Variants in NALF1 observed in about 807,000 individuals in gnomAD.
The protein encoded by NALF1 is family with sequence similarity 155 member A.
A neutral mutation model predicts 48.4 loss-of-function variants in NALF1; 3 were observed. That is an observed-to-expected ratio of 0.06 (90% confidence interval 0.03 to 0.16). The LOEUF is 0.16. Ranked by LOEUF, NALF1 falls within the 10% of genes least tolerant of loss-of-function variation. The pLI is 1.00. For synonymous variants in NALF1, 262 were observed against 245.7 expected (o/e 1.07, Z -0.62); for missense variants, 526 against 571.5 (o/e 0.92, Z 0.81).
chr13:107,782,061 GTC>G (rs1877906297), intron 1 of NALF1, among the ~76,000 whole-genome samples: 1 of 151,716 alleles, frequency 6.6e-6, no homozygotes, highest in African/African-American at 2.4e-5. Context: ...TCTCCCCACG[GTC>G]TCCCTCTCCC....
At chr13:107,505,122 G>A (rs1207871688) in intron 1 of NALF1, among the ~76,000 whole-genome samples, 2 of 152,230 alleles carry the variant, frequency 1.3e-5, no homozygotes, top group Non-Finnish European at 2.9e-5. Flanking sequence ...GGATGACTTT[G>A]AGCAGGTAAA....
intron 1 of NALF1, among the ~76,000 whole-genome samples, chr13:107,428,231 T>C (rs1884312748): frequency 6.6e-6 from 1 of 152,108 alleles, no homozygotes; most frequent in Non-Finnish European, 1.5e-5. Flanking sequence ...AACAGCTCTG[T>C]GAGGTCAGGG....
intron 2 of NALF1, among the ~76,000 whole-genome samples, chr13:107,184,122 T>C (rs1010949753): frequency 1.3e-5 from 2 of 151,650 alleles, no homozygotes; most frequent in African/African-American, 4.8e-5. Flanking sequence ...ATGGCACGTA[T>C]ATATCTATGT....
In NALF1 at chr13:107,866,090, C is replaced by A. The variant is rs750421259; in HGVS notation, c.507G>T (p.Glu169Asp). 6.2e-7 allele frequency: 1 copy of A among 1,612,880 alleles called. No individual in the cohort carries two copies. Among genetic ancestry groups the A allele is most frequent in the Non-Finnish European group, 8.5e-7 (1 of 1,179,926 alleles). The part of the protein sequence containing the change: ...GNSAKPVWRL[E>D]TCYPQGASSG... ...AGGACGCGCCCTGGGGGTAACAAGTCTCCAGGCGCCACACGGGCTTGGCAG... is the reference window on the plus strand; with the variant it reads ...AGGACGCGCCCTGGGGGTAACAAGTATCCAGGCGCCACACGGGCTTGGCAG... The change falls in exon 1 of 3, where the codon GAG (glutamate) becomes GAT (aspartate). Residue 169 changes from glutamate (E) to aspartate (D), a missense_variant. Coordinates refer to ENST00000375915, the MANE Select transcript of NALF1 (RefSeq NM_001080396.3). This position sits in a 1 kb window ranked among gnomAD's most constrained non-coding sequence, Gnocchi z 4.4.
At chr13:107,772,017 G>A (rs547245227) in intron 1 of NALF1, among the ~76,000 whole-genome samples, 3 of 152,264 alleles carry the variant, frequency 2.0e-5, no homozygotes, top group Admixed American at 1.3e-4. Context: ...TTACAGACAT[G>A]AGAACAAAGG....
intron 1 of NALF1, among the ~76,000 whole-genome samples, chr13:107,786,746 G>A (rs1878086793): frequency 6.6e-6 from 1 of 150,394 alleles, no homozygotes. Flanking sequence ...AAAAAAAAGA[G>A]AGAGAGAGAA....
At chr13:107,520,383 G>T (rs1170020156) in intron 1 of NALF1, among the ~76,000 whole-genome samples, 43 of 152,114 alleles carry the variant, frequency 2.8e-4, no homozygotes, top group Admixed American at 2.8e-3. Context: ...CACAGTAAAT[G>T]TCTAGAAATA....
chr13:107,847,003 T>C (rs1349235465), intron 1 of NALF1, among the ~76,000 whole-genome samples: 2 of 152,130 alleles, frequency 1.3e-5, no homozygotes, highest in African/African-American at 4.8e-5. Flanking sequence ...AGCAATTATA[T>C]AACATTTATT....
chr13:107,522,631 T>G (rs1337073580), intron 1 of NALF1, among the ~76,000 whole-genome samples: 1 of 151,560 alleles, frequency 6.6e-6, no homozygotes, highest in Non-Finnish European at 1.5e-5. Context: ...TTTGAGACAG[T>G]CTTGTTCTGT....
chr13:107,722,610 C>T (rs548726221), intron 1 of NALF1, among the ~76,000 whole-genome samples: 14 of 152,238 alleles, frequency 9.2e-5, no homozygotes, highest in African/African-American at 2.6e-4. Context: ...CTTCTGAAAA[C>T]GGTTGCCTAC....
At chr13:107,511,060 C>G (rs1173961098) in intron 1 of NALF1, among the ~76,000 whole-genome samples, 1 of 152,178 alleles carries the variant, frequency 6.6e-6, no homozygotes, top group African/African-American at 2.4e-5. Context: ...CCTCCTAATA[C>G]CTTCTTCCTG....
At chr13:107,780,168 A>G (rs568834973) in intron 1 of NALF1, among the ~76,000 whole-genome samples, 234 of 152,124 alleles carry the variant, frequency 1.5e-3, no homozygotes, top group Non-Finnish European at 2.5e-3. Flanking sequence ...CTTAGATTTA[A>G]AAACTCCTTG....
At chr13:107,505,792 G>T (rs1477788216) in intron 1 of NALF1, among the ~76,000 whole-genome samples, 3 of 152,118 alleles carry the variant, frequency 2.0e-5, no homozygotes, top group Non-Finnish European at 4.4e-5. Context: ...AACTTTGGAA[G>T]TTACCAGTTT....
intron 1 of NALF1, among the ~76,000 whole-genome samples, chr13:107,463,257 T>A (rs1303651934): frequency 4.6e-5 from 7 of 152,120 alleles, no homozygotes; most frequent in South Asian, 4.1e-4. Flanking sequence ...ACAGTTAGAG[T>A]TAATCTAATA....
In NALF1 at chr13:107,164,327, G is replaced by C. The variant is rs1466138666; in HGVS notation, c.*6170C>G. On this transcript the variant is annotated 3_prime_UTR_variant, in exon 3 of 3. Coordinates refer to ENST00000375915, the MANE Select transcript of NALF1 (RefSeq NM_001080396.3). Reference sequence around the variant, plus strand: ...CATATACTTTATCAAAAACTGAACAGGTTTTCTAACTTTTTCACTGTTATT... The same window carrying C: ...CATATACTTTATCAAAAACTGAACACGTTTTCTAACTTTTTCACTGTTATT... 1 of 151,692 alleles carries C rather than the reference G, an allele frequency of 6.6e-6. No individual in the cohort carries two copies. The highest frequency in any genetic ancestry group is 6.6e-5 in the Admixed American group (1 of 15,220). The allele number at this position is 151,692 out of a possible 1,614,324, so 9.4% of individuals were successfully genotyped here.
chr13:107,405,090 A>G (rs1386205312), intron 1 of NALF1, among the ~76,000 whole-genome samples: 1 of 152,106 alleles, frequency 6.6e-6, no homozygotes, highest in East Asian at 1.9e-4. Flanking sequence ...AATATCCATC[A>G]TTGATTCCAT....
At chr13:107,487,661 T>C (rs906758036) in intron 1 of NALF1, among the ~76,000 whole-genome samples, 3 of 152,200 alleles carry the variant, frequency 2.0e-5, no homozygotes, top group Non-Finnish European at 4.4e-5. Flanking sequence ...CTTTTGGATA[T>C]GCTGCTGGAT....
At chr13:107,377,445 C>T (rs542548536) in intron 1 of NALF1, among the ~76,000 whole-genome samples, 1 of 152,206 alleles carries the variant, frequency 6.6e-6, no homozygotes, top group South Asian at 2.1e-4. Context: ...ATGCATTTTG[C>T]ATTTTGCATC....
At chr13:107,317,134 C>T (rs749758432) in intron 1 of NALF1, among the ~76,000 whole-genome samples, 1 of 152,062 alleles carries the variant, frequency 6.6e-6, no homozygotes, top group African/African-American at 2.4e-5. Flanking sequence ...TCAAATAATA[C>T]TTAGTTTTAC....
Sources: allele counts gnomAD v4.1 joint callset (sites outside exome capture counted in the v4.1 genomes callset), GRCh38; gene constraint gnomAD v4.1.1; non-coding constraint Gnocchi (gnomAD v3.1); transcripts MANE v1.5; gene names NCBI Gene and HGNC (gene_info 2026-07-23, HGNC 2026-07-21).